Variants in OTUD7A observed in about 807,000 individuals in gnomAD.
OTUD7A encodes OTU domain-containing protein 7A.
A neutral mutation model predicts 65.7 loss-of-function variants in OTUD7A; 12 were observed. That is an observed-to-expected ratio of 0.18 (90% CI 0.12 to 0.30). The LOEUF is 0.30. Ranked by LOEUF, OTUD7A falls within the 10% of genes least tolerant of loss-of-function variation. OTUD7A has a pLI of 1.00. For synonymous variants in OTUD7A, 641 were observed against 586.3 expected (o/e 1.09, Z -1.35); for missense variants, 1,148 against 1,304.8 (o/e 0.88, Z 1.85).
At chr15:31,656,590 T>C (rs1212820066) in intron 2 of OTUD7A, among the ~76,000 whole-genome samples, 2 of 152,172 alleles carry the variant, frequency 1.3e-5, no homozygotes, top group Non-Finnish European at 2.9e-5. Flanking sequence ...ATGTAATTAA[T>C]TTTACATATT....
At chr15:31,559,649 T>C (rs1489255773) in intron 4 of OTUD7A, among the ~76,000 whole-genome samples, 7 of 151,976 alleles carry the variant, frequency 4.6e-5, no homozygotes, top group African/African-American at 1.5e-4. Context: ...GACACACACA[T>C]AGAAACAGTT....
At chr15:31,603,860 T>C (rs1010257917) in intron 3 of OTUD7A, among the ~76,000 whole-genome samples, 3 of 152,138 alleles carry the variant, frequency 2.0e-5, no homozygotes, top group African/African-American at 7.2e-5. Flanking sequence ...TCATCACTGC[T>C]CATTAGAGAA....
At chr15:31,709,053 G>A (rs1893371215) in intron 1 of OTUD7A, among the ~76,000 whole-genome samples, 1 of 151,508 alleles carries the variant, frequency 6.6e-6, no homozygotes, top group Admixed American at 6.5e-5. Context: ...CAGCATACAA[G>A]GTAATGCAAA....
intron 4 of OTUD7A, among the ~76,000 whole-genome samples, chr15:31,566,144 T>C (rs1442454914): frequency 1.3e-5 from 2 of 151,034 alleles, no homozygotes; most frequent in Non-Finnish European, 2.9e-5. Flanking sequence ...TGAGCCGAGA[T>C]TGCGCCACTG....
At chr15:31,756,666 ACACACACACACACACACACT>A (rs1240565371) in intron 1 of OTUD7A, among the ~76,000 whole-genome samples, 3 of 108,420 alleles carry the variant, frequency 2.8e-5, no homozygotes, top group South Asian at 3.6e-4. Flanking sequence ...ACACACACAC[ACACACACACACACACACACT>A]GCTTTTAGTA....
intron 3 of OTUD7A, among the ~76,000 whole-genome samples, chr15:31,653,010 G>A (rs1480508618): frequency 6.6e-6 from 1 of 152,128 alleles, no homozygotes; most frequent in Admixed American, 6.5e-5. Context: ...CAGCCCTTTG[G>A]GAGGCTGAGG....
At chr15:31,748,641 A>G (rs1894545225) in intron 1 of OTUD7A, among the ~76,000 whole-genome samples, 1 of 152,132 alleles carries the variant, frequency 6.6e-6, no homozygotes, top group African/African-American at 2.4e-5. Context: ...AATTGGGACA[A>G]CTACCCATTG....
intron 1 of OTUD7A, among the ~76,000 whole-genome samples, chr15:31,751,053 G>A (rs12594092): frequency 0.97 from 147,890 of 152,322 alleles, 71,950 homozygotes; most frequent in East Asian, 1. Flanking sequence ...AAGCAATTGC[G>A]ACAAAAACTA....
chr15:31,594,457 C>G (rs930977470), intron 3 of OTUD7A, among the ~76,000 whole-genome samples: 1 of 152,168 alleles, frequency 6.6e-6, no homozygotes, highest in African/African-American at 2.4e-5. Context: ...CCAGGAAGTC[C>G]ACTCGCTTCC....
chr15:31,609,556 G>A (rs1035564695), intron 3 of OTUD7A, among the ~76,000 whole-genome samples: 18 of 152,036 alleles, frequency 1.2e-4, no homozygotes, highest in African/African-American at 2.9e-4. Context: ...TACAGCAGCC[G>A]CAGCACAGCA....
At chr15:31,680,231 A>G (rs962731739) in intron 1 of OTUD7A, among the ~76,000 whole-genome samples, 1 of 152,202 alleles carries the variant, frequency 6.6e-6, no homozygotes, top group Non-Finnish European at 1.5e-5. Context: ...TTTAGTATCT[A>G]AAATTGTTTT....
intron 8 of OTUD7A, among the ~76,000 whole-genome samples, chr15:31,518,688 C>T (rs919098885): frequency 2.6e-5 from 4 of 152,208 alleles, no homozygotes; most frequent in African/African-American, 7.2e-5. Flanking sequence ...GCAAGGTTCT[C>T]CTCATGCACA....
rs763809759 is a variant in OTUD7A at position 31,679,662 on chromosome 15, C to T, written c.-99-22585G>A. Among the ~76,000 whole-genome samples the T allele has an allele frequency of 8.5e-5, 13 of 152,284 alleles. No individual in the cohort carries two copies. In the East Asian group the frequency reaches 1.4e-3, roughly 16 times the overall value. ...TGTGCCTTGCTTCCCCTTCACGTTCCGCCATGATTGTAAGTCTCCTGAGGA... is the reference window on the plus strand; with the variant it reads ...TGTGCCTTGCTTCCCCTTCACGTTCTGCCATGATTGTAAGTCTCCTGAGGA... On this transcript the variant is annotated intron_variant, in intron 1 of 12. Transcript: ENST00000307050.
chr15:31,753,721 T>TATATATATATTATATATATATATATTA lies in OTUD7A; in HGVS notation c.-99-96645_-99-96644insTAATATATATATATATAATATATATAT, dbSNP rs879561188. ...TATATATTATATATATATATATATA[T>TATATATATATTATATATATATATATTA]TATATATATATATATATATCTCACA... On this transcript the variant is annotated intron_variant, in intron 1 of 12. Transcript: ENST00000307050. Among the ~76,000 whole-genome samples the TATATATATATTATATATATATATATTA allele has an allele frequency of 2.6e-3, 278 of 106,704 alleles. 3 individuals are homozygous for TATATATATATTATATATATATATATTA. The highest frequency in any genetic ancestry group is 3.7e-3 in the South Asian group (14 of 3,772). The allele number at this position is 106,704 out of a possible 152,430, so 70.0% of individuals were successfully genotyped here. A position where few individuals can be genotyped will look rare whatever the true frequency, so the allele number is the denominator to read the frequency against.
At chr15:31,556,650 T>C (rs778320825) in intron 5 of OTUD7A, 2 of 152,260 alleles carry the variant, frequency 1.3e-5, no homozygotes, top group Non-Finnish European at 2.9e-5. Context: ...CCTACAACCT[T>C]GCATGAGACT....
intron 10 of OTUD7A, among the ~76,000 whole-genome samples, chr15:31,494,547 G>A (rs2041358067): frequency 6.6e-6 from 1 of 152,234 alleles, no homozygotes; most frequent in Admixed American, 6.5e-5. Context: ...CCAGAATTAA[G>A]GAAACTGTAC....
chr15:31,757,818 G>T (rs1321754837), intron 1 of OTUD7A, among the ~76,000 whole-genome samples: 1 of 152,168 alleles, frequency 6.6e-6, no homozygotes, highest in East Asian at 1.9e-4. Context: ...TTTGAGCATT[G>T]TCAGTGCCTT....
chr15:31,825,180 C>G (rs774776224), intron 1 of OTUD7A, among the ~76,000 whole-genome samples: 10 of 152,178 alleles, frequency 6.6e-5, no homozygotes, highest in Non-Finnish European at 1.5e-4. Context: ...CTTGTTCAGT[C>G]TTTTTAATGC....
chr15:31,499,072 T>A (rs1035785223), intron 10 of OTUD7A, among the ~76,000 whole-genome samples: 2 of 152,218 alleles, frequency 1.3e-5, no homozygotes, highest in Non-Finnish European at 2.9e-5. Context: ...CTTCATGGAT[T>A]TTTAAGCCTC....
Sources: allele counts gnomAD v4.1 joint callset (sites outside exome capture counted in the v4.1 genomes callset), GRCh38; gene constraint gnomAD v4.1.1; transcripts MANE v1.5; gene names NCBI Gene and HGNC (gene_info 2026-07-23, HGNC 2026-07-21).